Variants in PTN observed in about 807,000 individuals in gnomAD.
PTN encodes heparin affin regulatory protein.
In PTN, 18 loss-of-function variants were observed where a neutral mutation model predicts 24.1. That is an observed-to-expected ratio of 0.75 (90% confidence interval 0.52 to 1.11). The LOEUF is 1.11. Ranked by LOEUF, PTN falls within the 50% of genes least tolerant of loss-of-function variation. PTN has a pLI of 0.00. For missense variants in PTN, 163 were observed against 198.8 expected (o/e 0.82, Z 1.08); for synonymous variants, 78 against 68.6 (o/e 1.14, Z -0.67).
intron 1 of PTN, among the ~76,000 whole-genome samples, chr7:137,310,251 G>A (rs2882589): frequency 0.39 from 59,542 of 151,894 alleles, 12,929 homozygotes; most frequent in South Asian, 0.54. Flanking sequence ...GGTAAACCAC[G>A]CTGTAAACAG....
At chr7:137,289,043 C>A (rs1172052594) in intron 1 of PTN, among the ~76,000 whole-genome samples, 1 of 152,128 alleles carries the variant, frequency 6.6e-6, no homozygotes, top group African/African-American at 2.4e-5. Context: ...CTTATTTAAT[C>A]ATCGCAATCA....
chr7:137,251,280 G>A lies in PTN; in HGVS notation c.401C>T (p.Thr134Ile). ...GCCACAGGGCTTGGAGATGGTGACA[G>A]TCTTCTGGCATTCGGCATTGTGCAG... ...RALHNAECQKTVTISKPCGKL... is the reference protein window; with the variant it reads ...RALHNAECQKIVTISKPCGKL... Residue 134 changes from threonine to isoleucine, a missense_variant, in exon 4 of 5, where the codon ACT becomes ATT. Coordinates refer to ENST00000348225, the MANE Select transcript of PTN (RefSeq NM_002825.7). 6.2e-7 allele frequency: 1 copy of A among 1,614,136 alleles called. No homozygotes were observed. The highest frequency in any genetic ancestry group is 1.1e-5 in the South Asian group (1 of 91,080).
intron 1 of PTN, among the ~76,000 whole-genome samples, chr7:137,290,101 T>C (rs529564581): frequency 6.6e-6 from 1 of 152,274 alleles, no homozygotes; most frequent in South Asian, 2.1e-4. Flanking sequence ...ACGTCTTACA[T>C]GGATGGCAGC....
At chr7:137,334,944 C>CAAA (rs1272092625) in intron 1 of PTN, among the ~76,000 whole-genome samples, 1 of 146,708 alleles carries the variant, frequency 6.8e-6, no homozygotes, top group Non-Finnish European at 1.5e-5. Flanking sequence ...ATCGCAAGGA[C>CAAA]AAAAAACCAA....
At chr7:137,328,172 G>A (rs1810292911) in intron 1 of PTN, among the ~76,000 whole-genome samples, 1 of 152,108 alleles carries the variant, frequency 6.6e-6, no homozygotes, top group Non-Finnish European at 1.5e-5. Flanking sequence ...AATTTTTACT[G>A]TGTGACTAGC....
At chr7:137,343,374 G>C (rs1186971297) in intron 1 of PTN, 65 bp downstream of exon 1, 2 of 431,728 alleles carry the variant, frequency 4.6e-6, no homozygotes, top group African/African-American at 2.0e-5. Flanking sequence ...CCAGAAAAGT[G>C]GCACAGGGTG....
intron 1 of PTN, among the ~76,000 whole-genome samples, chr7:137,284,517 T>C (rs1333885386): frequency 1.3e-5 from 2 of 152,156 alleles, no homozygotes; most frequent in Non-Finnish European, 2.9e-5. Context: ...AAGATCAAAA[T>C]GGCTTGGTCA....
At chr7:137,337,927 T>G (rs1329124126) in intron 1 of PTN, among the ~76,000 whole-genome samples, 1 of 152,168 alleles carries the variant, frequency 6.6e-6, no homozygotes, top group Non-Finnish European at 1.5e-5. Flanking sequence ...TCATTTGCCA[T>G]CTTCAATGGT....
chr7:137,329,374 G>A lies in PTN; in HGVS notation c.-2+14065C>T, dbSNP rs140813182. ...TCCTTGCTCTTGGTAGTTCCTAGGA[G>A]CAACGTTTTAGAGGTGCTGGCAGGT... On this transcript the variant is annotated intron_variant, in intron 1 of 4. Coordinates refer to ENST00000348225, the MANE Select transcript of PTN (RefSeq NM_002825.7). Among the ~76,000 whole-genome samples the A allele has an allele frequency of 3.1e-3, 471 of 152,262 alleles. 6 individuals are homozygous for A. The highest frequency in any genetic ancestry group is 0.017 in the Middle Eastern group (5 of 294).
intron 1 of PTN, among the ~76,000 whole-genome samples, chr7:137,281,942 A>T (rs1809480975): frequency 6.6e-6 from 1 of 152,230 alleles, no homozygotes; most frequent in African/African-American, 2.4e-5. Flanking sequence ...AGAGAATTTA[A>T]GTAACCTGCC....
chr7:137,313,640 G>A (rs753520409), intron 1 of PTN, among the ~76,000 whole-genome samples: 18 of 152,094 alleles, frequency 1.2e-4, no homozygotes, highest in Non-Finnish European at 2.1e-4. Context: ...ATCAAATTCT[G>A]CTCCCAGCCA....
chr7:137,268,333 C>G (rs1022822922), intron 1 of PTN, among the ~76,000 whole-genome samples: 4 of 152,046 alleles, frequency 2.6e-5, no homozygotes, highest in African/African-American at 7.2e-5. Context: ...CCTCGCTTGC[C>G]GGTCAGGGAA....
intron 1 of PTN, among the ~76,000 whole-genome samples, chr7:137,313,811 G>C (rs979865068): frequency 6.6e-6 from 1 of 152,134 alleles, no homozygotes; most frequent in Non-Finnish European, 1.5e-5. Context: ...CTGTTGTACC[G>C]ATAAGCTTCA....
intron 4 of PTN, among the ~76,000 whole-genome samples, chr7:137,244,963 T>C (rs559934518): frequency 6.6e-6 from 1 of 152,326 alleles, no homozygotes; most frequent in African/African-American, 2.4e-5. Flanking sequence ...CTTAATCTTT[T>C]AGCCTTATTA....
chr7:137,332,337 ATG>A (rs1201803620), intron 1 of PTN, among the ~76,000 whole-genome samples: 3 of 152,172 alleles, frequency 2.0e-5, no homozygotes, highest in African/African-American at 7.2e-5. Context: ...GGGAAAAATA[ATG>A]TGTTTCTTCA....
chr7:137,294,623 A>G (rs1488255190), intron 1 of PTN, among the ~76,000 whole-genome samples: 3 of 151,990 alleles, frequency 2.0e-5, no homozygotes, highest in Admixed American at 6.6e-5. Context: ...CACCTCAGCC[A>G]CCAGAAAACA....
intron 1 of PTN, among the ~76,000 whole-genome samples, chr7:137,342,544 T>G (rs1015612559): frequency 6.7e-6 from 1 of 149,788 alleles, no homozygotes; most frequent in African/African-American, 2.4e-5. Context: ...TGTGTGTGTG[T>G]GTGTTGTGTC....
intron 1 of PTN, among the ~76,000 whole-genome samples, chr7:137,311,152 A>AC (rs1437781010): frequency 1.4e-5 from 2 of 147,202 alleles, no homozygotes; most frequent in Non-Finnish European, 3.0e-5. Flanking sequence ...GAACTGCTTG[A>AC]CCCCAGGAGG....
intron 1 of PTN, among the ~76,000 whole-genome samples, chr7:137,299,708 C>T (rs1428189401): frequency 1.3e-5 from 2 of 151,956 alleles, no homozygotes; most frequent in African/African-American, 2.4e-5. Context: ...CTCCTCACCC[C>T]TATGCCTGCC....
Sources: gnomAD v4.1 joint callset for allele counts (sites outside exome capture counted in the v4.1 genomes callset) on GRCh38, gnomAD v4.1.1 for gene constraint, MANE v1.5 for transcripts, NCBI Gene and HGNC (gene_info 2026-07-23, HGNC 2026-07-21) for gene names.